SEC63: variants seen among roughly 807,000 people sequenced by gnomAD.
SEC63 encodes translocation protein SEC63 homolog.
SEC63 carries 56 observed loss-of-function variants against 116.2 expected under a neutral mutation model. The ratio of observed to expected loss-of-function variants is 0.48; its 90% CI spans 0.39 to 0.60. The LOEUF is 0.60. Ranked by LOEUF, SEC63 falls within the 20% of genes least tolerant of loss-of-function variation. SEC63 has a pLI of 0.00. For synonymous variants in SEC63, 273 were observed against 294.6 expected (o/e 0.93, Z 0.75); for missense variants, 668 against 900.0 (o/e 0.74, Z 3.30).
intron 1 of SEC63, among the ~76,000 whole-genome samples, chr6:107,935,143 C>T (rs1770179798): frequency 6.7e-6 from 1 of 148,870 alleles, no homozygotes; most frequent in Non-Finnish European, 1.5e-5. Context: ...CCCGCCCAGC[C>T]AGCTGCCCCG....
chr6:107,870,848 T>C lies in SEC63; in HGVS notation c.*856A>G, dbSNP rs528176477. 44 of 152,384 alleles carry C rather than the reference T, an allele frequency of 2.9e-4. No individual in the cohort carries two copies. The South Asian group carries it at 8.3e-3, about 29-fold the overall frequency. The allele number at this position is 152,384 out of a possible 1,614,324, so 9.4% of individuals were successfully genotyped here. A position where few individuals can be genotyped will look rare whatever the true frequency, so the allele number is the denominator to read the frequency against. ...CTTCCTTTGCATGTTATACTTACTT[T>C]CCTTAAAAAGCTCCTGATAGAGTCA... is the stretch of plus-strand genomic sequence containing the variant. On this transcript the variant is annotated 3_prime_UTR_variant, in exon 21 of 21. Coordinates refer to ENST00000369002, the MANE Select transcript of SEC63 (RefSeq NM_007214.5).
chr6:107,906,918 GTATT>G (rs1787160900), intron 8 of SEC63, 141 bp from the exon 9 acceptor site: 2 of 683,914 alleles, frequency 2.9e-6, no homozygotes, highest in African/African-American at 1.8e-5. Context: ...CCACTGACAA[GTATT>G]TATTTCTTCC....
chr6:107,914,089 A>G (rs1441799622), intron 4 of SEC63, among the ~76,000 whole-genome samples: 2 of 152,210 alleles, frequency 1.3e-5, no homozygotes. Context: ...ATTTTTAGAT[A>G]CCTAAAATGT....
At position 107,957,866 on chromosome 6, in the gene SEC63, C is replaced by G; in HGVS notation, c.124+20G>C. 6.2e-7 allele frequency: 1 copy of G among 1,604,080 alleles called. No individual in the cohort carries two copies. Among genetic ancestry groups the G allele is most frequent in the Non-Finnish European group, 8.5e-7 (1 of 1,175,560 alleles). ...GGCGGGGCCTGCGCGGGTTCGCGGGCAAAGGCCGGCGGGACTCACCGGCAT... is the reference window on the plus strand; with the variant it reads ...GGCGGGGCCTGCGCGGGTTCGCGGGGAAAGGCCGGCGGGACTCACCGGCAT... On this transcript the variant is annotated intron_variant, in intron 1 of 20. Coordinates refer to ENST00000369002, the MANE Select transcript of SEC63 (RefSeq NM_007214.5).
At chr6:107,894,296 CAAA>C (rs1562319212) in intron 14 of SEC63, among the ~76,000 whole-genome samples, 1 of 151,984 alleles carries the variant, frequency 6.6e-6, no homozygotes, top group Non-Finnish European at 1.5e-5. Context: ...ATAACAACAA[CAAA>C]AAAACCCTTG....
At chr6:107,949,802 T>TTTTG (rs768804192) in intron 1 of SEC63, among the ~76,000 whole-genome samples, 15 of 152,128 alleles carry the variant, frequency 9.9e-5, no homozygotes, top group Admixed American at 2.6e-4. Context: ...GCTAATATTT[T>TTTTG]TTTGTTTGTT....
At chr6:107,878,197 G>A (rs893554615) in intron 18 of SEC63, among the ~76,000 whole-genome samples, 1 of 152,186 alleles carries the variant, frequency 6.6e-6, no homozygotes, top group African/African-American at 2.4e-5. Context: ...GACAATATCT[G>A]TTTTAAAGAC....
intron 1 of SEC63, among the ~76,000 whole-genome samples, chr6:107,953,289 G>T (rs1282278793): frequency 2.6e-5 from 4 of 152,234 alleles, no homozygotes; most frequent in African/African-American, 9.6e-5. Flanking sequence ...ATATGCTGTT[G>T]TGTTTCCCCA....
At chr6:107,928,365 T>A (rs1178357048) in intron 2 of SEC63, among the ~76,000 whole-genome samples, 1 of 151,602 alleles carries the variant, frequency 6.6e-6, no homozygotes, top group East Asian at 1.9e-4. Context: ...GGCATGCACC[T>A]GTACTCCCAC....
At chr6:107,885,496 T>C (rs897417857) in intron 16 of SEC63, among the ~76,000 whole-genome samples, 1 of 152,144 alleles carries the variant, frequency 6.6e-6, no homozygotes, top group Non-Finnish European at 1.5e-5. Flanking sequence ...TGAGAAAAAT[T>C]AGGGAAGATC....
In SEC63 at chr6:107,902,828, A is replaced by C; in HGVS notation, c.1209+16T>G. 6.2e-7 allele frequency: 1 copy of C among 1,612,648 alleles called. No individual in the cohort carries two copies. The highest frequency in any genetic ancestry group is 8.5e-7 in the Non-Finnish European group (1 of 1,178,858). ...ACAAACTGCTGAAAACTGACTTTAA[A>C]GTAGCAAAGAATTACCTTCTTATGA... On this transcript the variant is annotated intron_variant, in intron 12 of 20. Coordinates refer to ENST00000369002, the MANE Select transcript of SEC63 (RefSeq NM_007214.5).
At position 107,900,164 on chromosome 6, in the gene SEC63, G is replaced by T. The variant is rs182329661; in HGVS notation, c.1357+1206C>A. 1.2e-3 allele frequency among the ~76,000 whole-genome samples: 179 copies of T among 149,252 alleles called. 4 individuals carry two copies. The East Asian group carries it at 0.028, about 23-fold the overall frequency. On this transcript the variant is annotated intron_variant, in intron 13 of 20. Coordinates refer to ENST00000369002, the MANE Select transcript of SEC63 (RefSeq NM_007214.5). ...GCATATGTTATCTTGGTGTGTGTGTGTTTTTTTTTTAATTTTATAAAGACA... is the reference window on the plus strand; with the variant it reads ...GCATATGTTATCTTGGTGTGTGTGTTTTTTTTTTTTAATTTTATAAAGACA...
intron 1 of SEC63, among the ~76,000 whole-genome samples, chr6:107,936,860 A>C (rs1770258279): frequency 6.6e-6 from 1 of 152,200 alleles, no homozygotes; most frequent in Non-Finnish European, 1.5e-5. Flanking sequence ...CCTGCTTACC[A>C]CATAGTATCC....
intron 1 of SEC63, chr6:107,931,932 C>G (rs910245467): frequency 3.3e-5 from 5 of 152,740 alleles, no homozygotes; most frequent in Non-Finnish European, 5.8e-5. Flanking sequence ...CACCCACCTT[C>G]CAGTGGCCTA....
chr6:107,940,346 C>G (rs1770349248), intron 1 of SEC63, among the ~76,000 whole-genome samples: 2 of 152,162 alleles, frequency 1.3e-5, no homozygotes, highest in African/African-American at 4.8e-5. Context: ...CAGCAGCATA[C>G]AATTATATCA....
chr6:107,925,355 C>G (rs2114481715), intron 2 of SEC63, among the ~76,000 whole-genome samples: 1 of 152,238 alleles, frequency 6.6e-6, no homozygotes, highest in East Asian at 1.9e-4. Context: ...AAAATAAATA[C>G]ATAGCCTTGT....
intron 14 of SEC63, 96 bp from the exon 15 acceptor site, chr6:107,893,993 A>G: frequency 7.8e-7 from 1 of 1,277,782 alleles, no homozygotes; most frequent in South Asian, 1.3e-5. Flanking sequence ...TTTATTAAGT[A>G]TTTTTAACTG....
chr6:107,907,480 G>A (rs1005658138), intron 8 of SEC63, among the ~76,000 whole-genome samples: 1 of 152,200 alleles, frequency 6.6e-6, no homozygotes, highest in African/African-American at 2.4e-5. Flanking sequence ...TACTCGGGAG[G>A]CTGAGGCAGG....
intron 16 of SEC63, 31 bp from the exon 17 acceptor site, chr6:107,883,177 G>C: frequency 1.2e-6 from 2 of 1,608,586 alleles, no homozygotes; most frequent in Non-Finnish European, 1.7e-6. Flanking sequence ...CAAAGATTCT[G>C]CATATCTCAA....
Sources: allele counts gnomAD v4.1 joint callset (sites outside exome capture counted in the v4.1 genomes callset), GRCh38; gene constraint gnomAD v4.1.1; transcripts MANE v1.5; gene names NCBI Gene and HGNC (gene_info 2026-07-23, HGNC 2026-07-21).